NUP214: variants seen among roughly 807,000 people sequenced by gnomAD.
NUP214 encodes the protein nucleoporin 214.
In NUP214, 79 loss-of-function variants were observed where a neutral mutation model predicts 196.2. That is an observed-to-expected ratio of 0.40 (90% CI 0.34 to 0.49). The LOEUF (loss-of-function observed/expected upper bound fraction) is 0.49, where lower values mean the gene tolerates loss of function less well. Ranked by LOEUF, NUP214 falls within the 20% of genes least tolerant of loss-of-function variation. The probability of loss-of-function intolerance (pLI) is 0.58; values close to 1 mark genes in which losing one functional copy is unlikely to be tolerated. For missense variants in NUP214, 2,468 were observed against 2,539.0 expected, an observed-to-expected ratio of 0.97 and a Z score of 0.60; for synonymous variants, 1,020 against 990.5, an observed-to-expected ratio of 1.03 and a Z score of -0.56.
intron 30 of NUP214, among the ~76,000 whole-genome samples, chr9:131,209,372 A>C (rs1049580526): frequency 7.9e-5 from 12 of 152,056 alleles, no homozygotes; most frequent in Admixed American, 2.6e-4. Flanking sequence ...CAAAGTGAGA[A>C]CCCTGTCTCA....
At position 131,197,281 on chromosome 9, in the gene NUP214, C is replaced by T; in HGVS notation, c.3787C>T (p.Pro1263Ser). The T allele has an allele frequency of 6.2e-7, 1 of 1,614,168 alleles. No individual in the cohort carries two copies. Among genetic ancestry groups the T allele is most frequent in the Non-Finnish European group, 8.5e-7 (1 of 1,180,014 alleles). The change falls in exon 29 of 36, where the codon CCT (proline) becomes TCT (serine). Residue 1263 changes from proline to serine, a missense_variant. Pro to Ser is a moderately conservative substitution (Grantham distance 74). Around this residue, in one of 5 missense-constraint regions of NUP214, gnomAD observed 1,801 missense variants for 1,779.4 expected, o/e 1.01. Coordinates refer to ENST00000359428, the MANE Select transcript of NUP214 (RefSeq NM_005085.4). Reference sequence around the variant, plus strand: ...ATTCTCATCTGGTGGGGGAAGCAAACCTTCTTATGAGGCCATTCCTGAAAG... The same window carrying T: ...ATTCTCATCTGGTGGGGGAAGCAAATCTTCTTATGAGGCCATTCCTGAAAG... ...DAFSSGGGSK[P>S]SYEAIPESSP... is the part of the protein sequence containing the mutation.
intron 10 of NUP214, among the ~76,000 whole-genome samples, chr9:131,139,763 A>T (rs948420338): frequency 3.3e-5 from 5 of 152,174 alleles, no homozygotes; most frequent in Non-Finnish European, 7.3e-5. Flanking sequence ...CAAAGAAGCA[A>T]TACCCGAATC....
In NUP214 at chr9:131,146,999, C is replaced by G. The variant is rs1438795005; in HGVS notation, c.1946-491C>G. The stretch of plus-strand genomic sequence containing the variant: ...ATTCATATTTTCACAGTCAGTCATA[C>G]TGTAAACAGGAAGTTTTGTTTTGTT... On this transcript the variant is annotated intron_variant, in intron 13 of 35. Coordinates refer to ENST00000359428, the MANE Select transcript of NUP214 (RefSeq NM_005085.4). This position sits in a 1 kb window ranked among gnomAD's most constrained non-coding sequence, Gnocchi z 4.6. 6.6e-6 allele frequency among the ~76,000 whole-genome samples: 1 copy of G among 151,710 alleles called. No individual in the cohort carries two copies. Among genetic ancestry groups the G allele is most frequent in the Non-Finnish European group, 1.5e-5 (1 of 67,952 alleles).
At chr9:131,148,221 C>G (rs1239011634) in intron 14 of NUP214, among the ~76,000 whole-genome samples, 1 of 152,204 alleles carries the variant, frequency 6.6e-6, no homozygotes, top group African/African-American at 2.4e-5. Flanking sequence ...TGAGGTTAGC[C>G]TGCCTGTACC....
chr9:131,127,792 A>G, intron 2 of NUP214, 73 bp downstream of exon 2: 1 of 1,116,336 alleles, frequency 9.0e-7, no homozygotes, highest in Non-Finnish European at 1.3e-6. Context: ...CCTTCCCAAG[A>G]AGTCATTCTA....
rs1037368169 is a variant in NUP214 at position 131,175,595 on chromosome 9, G to A, written c.3293G>A (p.Arg1098Lys). ...CAGGCAGCTGCCGCAGCAGCACTCA[G>A]GCGGCAGATGGCCAGTCAGGCACCA... ...APQAAAAAAL[R>K]RQMASQAPAV... is the part of the protein sequence containing the mutation. The change falls in exon 23 of 36, where the codon AGG (arginine) becomes AAG (lysine). Residue 1098 changes from arginine to lysine, a missense_variant. Transcript: ENST00000359428. 3.7e-6 allele frequency: 6 copies of A among 1,614,088 alleles called. No individual in the cohort carries two copies. In the African/African-American group the frequency reaches 4.0e-5, roughly 11 times the overall value.
At chr9:131,176,475 C>T (rs1015707362) in intron 23 of NUP214, among the ~76,000 whole-genome samples, 1 of 151,950 alleles carries the variant, frequency 6.6e-6, no homozygotes, top group Non-Finnish European at 1.5e-5. Flanking sequence ...TACAGGCATG[C>T]ACCACTACAC....
rs146363666 is a variant in NUP214, at chr9:131,134,771, C to T, written c.832-127C>T. Reference sequence around the variant, plus strand: ...CTAAGTGCTGCCTTTATACCATGTCCGTATATCTGGACTTTGAGTAAATAT... The same window carrying T: ...CTAAGTGCTGCCTTTATACCATGTCTGTATATCTGGACTTTGAGTAAATAT... On this transcript the variant is annotated intron_variant, in intron 7 of 35. Transcript: ENST00000359428. The T allele has an allele frequency of 8.5e-4, 556 of 656,356 alleles. 2 individuals carry two copies. In the East Asian group the frequency reaches 0.012, roughly 14 times the overall value. 40.7% of individuals were successfully genotyped at this position (656,356 alleles called of 1,614,324 possible). A position where few individuals can be genotyped will look rare whatever the true frequency, so the allele number is the denominator to read the frequency against.
At chr9:131,188,639 TTGAC>T (rs1833520666) in intron 25 of NUP214, among the ~76,000 whole-genome samples, 1 of 152,262 alleles carries the variant, frequency 6.6e-6, no homozygotes, top group Non-Finnish European at 1.5e-5. Context: ...TGAAGGAACA[TTGAC>T]TGGAGATGGA....
At chr9:131,165,202 G>C (rs1004369065) in intron 21 of NUP214, 5 of 152,036 alleles carry the variant, frequency 3.3e-5, no homozygotes, top group African/African-American at 1.2e-4. Context: ...AGGCAGGAGG[G>C]TTGCTTGAGC....
At chr9:131,150,260 C>A in intron 14 of NUP214, 64 bp from the exon 15 acceptor site, 2 of 1,387,814 alleles carry the variant, frequency 1.4e-6, no homozygotes, top group Non-Finnish European at 2.0e-6. Context: ...CTGTAATAGG[C>A]TCTGATATAA....
At chr9:131,169,034 G>GTGT (rs1832872910) in intron 21 of NUP214, among the ~76,000 whole-genome samples, 1 of 124,132 alleles carries the variant, frequency 8.1e-6, no homozygotes, top group Non-Finnish European at 1.6e-5. Context: ...GTTTTTTTTT[G>GTGT]TTTTTTTTTT....
intron 30 of NUP214, among the ~76,000 whole-genome samples, chr9:131,205,537 A>T (rs1405616847): frequency 6.6e-6 from 1 of 152,258 alleles, no homozygotes. Flanking sequence ...ATTGATAAGA[A>T]TGTTCACAGC....
intron 17 of NUP214, among the ~76,000 whole-genome samples, chr9:131,158,852 T>C (rs182547412): frequency 1.2e-3 from 185 of 152,308 alleles, no homozygotes; most frequent in African/African-American, 4.4e-3. Flanking sequence ...GTTCAAGTGA[T>C]TCCCCTGCCT....
chr9:131,225,012 C>T (rs1404197112), intron 32 of NUP214, among the ~76,000 whole-genome samples: 3 of 152,188 alleles, frequency 2.0e-5, no homozygotes, highest in Admixed American at 2.0e-4. Flanking sequence ...CCTGTAATCC[C>T]AGCAGTTTGG....
At chr9:131,193,688 G>A (rs574704756) in intron 27 of NUP214, among the ~76,000 whole-genome samples, 26 of 100,840 alleles carry the variant, frequency 2.6e-4, no homozygotes, top group Admixed American at 1.1e-3. Flanking sequence ...GTATCACTCC[G>A]TCACCCTGGT....
chr9:131,208,235 A>G (rs752884755), intron 30 of NUP214, among the ~76,000 whole-genome samples: 5 of 152,356 alleles, frequency 3.3e-5, no homozygotes, highest in Non-Finnish European at 7.3e-5. Flanking sequence ...AGAATACCCA[A>G]AGGAATTGAA....
At position 131,198,682 on chromosome 9, in the gene NUP214, T is replaced by C; in HGVS notation, c.5188T>C (p.Ser1730Pro). Residue 1730 changes from serine to proline, a missense_variant, in exon 29 of 36, where the codon TCA (serine) becomes CCA (proline). Ser to Pro is a moderately conservative substitution (Grantham distance 74). Around this residue, in one of 5 missense-constraint regions of NUP214, gnomAD observed 1,801 missense variants for 1,779.4 expected, o/e 1.01. Coordinates refer to ENST00000359428, the MANE Select transcript of NUP214 (RefSeq NM_005085.4). ...VFGQTTFGQA[S>P]VFGQSASSAA... ...TGGACAGACAACCTTCGGGCAGGCC[T>C]CAGTCTTTGGGCAGTCGGCGAGCAG... is the stretch of plus-strand genomic sequence containing the variant. 6.2e-7 allele frequency: 1 copy of C among 1,614,222 alleles called. No homozygotes were observed. Among genetic ancestry groups the C allele is most frequent in the Non-Finnish European group, 8.5e-7 (1 of 1,180,034 alleles).
chr9:131,139,177 C>G, intron 9 of NUP214, 104 bp from the exon 10 acceptor site: 1 of 1,250,148 alleles, frequency 8.0e-7, no homozygotes, highest in Non-Finnish European at 1.0e-6. Flanking sequence ...CATCTCTGTT[C>G]TCCTATTTGA....
Sources: gnomAD v4.1 joint callset for allele counts (sites outside exome capture counted in the v4.1 genomes callset) on GRCh38, gnomAD v4.1.1 for gene constraint, gnomAD v4.1.1 regional missense constraint, Gnocchi (gnomAD v3.1) non-coding constraint, MANE v1.5 for transcripts, NCBI Gene and HGNC (gene_info 2026-07-23, HGNC 2026-07-21) for gene names.